LYPLAL1: variants seen among roughly 807,000 people sequenced by gnomAD.
The protein encoded by LYPLAL1 is lysophospholipase-like protein 1.
A neutral mutation model predicts 19.7 loss-of-function variants in LYPLAL1; 23 were observed. The ratio of observed to expected loss-of-function variants is 1.17; its 90% confidence interval spans 0.84 to 1.65. The LOEUF is 1.65. Ranked by LOEUF, LYPLAL1 falls within the 40% of genes most tolerant of loss-of-function variation. The pLI, the probability that LYPLAL1 is intolerant of heterozygous loss-of-function variation, is 0.00. For synonymous variants in LYPLAL1, 119 were observed against 96.3 expected, an observed-to-expected ratio of 1.24 and a Z score of -1.38; for missense variants, 355 against 279.4, an observed-to-expected ratio of 1.27 and a Z score of -1.93.
the LYPLAL1 span, among the ~76,000 whole-genome samples, chr1:219,245,848 A>T: frequency 6.6e-6 from 1 of 152,124 alleles, no homozygotes; most frequent in South Asian, 2.1e-4. Flanking sequence ...ATAAAATTCG[A>T]CCCATTTCAG....
At chr1:219,190,641 A>AAAT (rs1478661708) in intron 2 of LYPLAL1, among the ~76,000 whole-genome samples, 2 of 150,656 alleles carry the variant, frequency 1.3e-5, no homozygotes, top group Admixed American at 6.6e-5. Context: ...AAAAAAAAAA[A>AAAT]ACCCTTAAGT....
chr1:219,355,262 C>T, the LYPLAL1 span, among the ~76,000 whole-genome samples: 4 of 152,002 alleles, frequency 2.6e-5, no homozygotes, highest in East Asian at 1.9e-4. Flanking sequence ...GCACAGCCTA[C>T]GATAACCACC....
chr1:219,244,151 AT>A, the LYPLAL1 span, among the ~76,000 whole-genome samples: 16 of 152,174 alleles, frequency 1.1e-4, no homozygotes, highest in African/African-American at 3.9e-4. Flanking sequence ...TGGAAAACCA[AT>A]GCTCAAAGAC....
the LYPLAL1 span, among the ~76,000 whole-genome samples, chr1:219,300,810 C>T: frequency 6.6e-6 from 1 of 152,116 alleles, no homozygotes; most frequent in Non-Finnish European, 1.5e-5. Flanking sequence ...GCTGGGATTA[C>T]AGGAGTGAGC....
chr1:219,311,270 G>A, the LYPLAL1 span, among the ~76,000 whole-genome samples: 1 of 151,962 alleles, frequency 6.6e-6, no homozygotes. Flanking sequence ...TAAAAATTGT[G>A]AGATGCAGCA....
intron 3 of LYPLAL1, among the ~76,000 whole-genome samples, chr1:219,193,749 T>G (rs535283986): frequency 4.8e-4 from 73 of 151,980 alleles, no homozygotes; most frequent in Non-Finnish European, 9.4e-4. Context: ...ATATAAGCTC[T>G]TTATTCTGCT....
the LYPLAL1 span, among the ~76,000 whole-genome samples, chr1:219,407,767 T>G: frequency 6.6e-6 from 1 of 152,116 alleles, no homozygotes; most frequent in Non-Finnish European, 1.5e-5. Flanking sequence ...ACTGGGTAGC[T>G]TAAACAACAA....
intron 2 of LYPLAL1, among the ~76,000 whole-genome samples, chr1:219,190,779 G>GA (rs1216076936): frequency 2.0e-5 from 3 of 151,412 alleles, no homozygotes; most frequent in Non-Finnish European, 4.4e-5. Flanking sequence ...ATGACAATAG[G>GA]AAAAAATAAT....
chr1:219,363,871 A>C, the LYPLAL1 span, among the ~76,000 whole-genome samples: 1 of 152,142 alleles, frequency 6.6e-6, no homozygotes, highest in Non-Finnish European at 1.5e-5. Flanking sequence ...TTTAGTGGGG[A>C]AAATTCTGAC....
At chr1:219,304,914 A>G in the LYPLAL1 span, among the ~76,000 whole-genome samples, 1 of 152,262 alleles carries the variant, frequency 6.6e-6, no homozygotes, top group South Asian at 2.1e-4. Flanking sequence ...GGCTTGACAC[A>G]GTACTGCAGG....
the LYPLAL1 span, among the ~76,000 whole-genome samples, chr1:219,334,595 C>A: frequency 6.7e-6 from 1 of 149,840 alleles, no homozygotes; most frequent in Non-Finnish European, 1.5e-5. Flanking sequence ...TGTATAACAA[C>A]TTTTTACACC....
the LYPLAL1 span, among the ~76,000 whole-genome samples, chr1:219,440,016 C>CATATAT: frequency 3.0e-5 from 3 of 99,440 alleles, no homozygotes; most frequent in Middle Eastern, 4.2e-3. Context: ...TATATATACA[C>CATATAT]ACACACACAT....
At chr1:219,238,907 C>T in the LYPLAL1 span, among the ~76,000 whole-genome samples, 5 of 152,170 alleles carry the variant, frequency 3.3e-5, no homozygotes, top group East Asian at 1.9e-4. Flanking sequence ...TCACCTAAAA[C>T]GTAATCAGAG....
chr1:219,391,259 T>A, the LYPLAL1 span, among the ~76,000 whole-genome samples: 1 of 152,206 alleles, frequency 6.6e-6, no homozygotes, highest in African/African-American at 2.4e-5. Context: ...CGTTTTCCTG[T>A]TTGTCTCATT....
chr1:219,369,438 A>T, the LYPLAL1 span, among the ~76,000 whole-genome samples: 1 of 152,008 alleles, frequency 6.6e-6, no homozygotes, highest in Non-Finnish European at 1.5e-5. Context: ...TGACCTGCTA[A>T]TTTTTTTGTA....
the LYPLAL1 span, among the ~76,000 whole-genome samples, chr1:219,333,879 T>C: frequency 1.3e-5 from 2 of 152,024 alleles, no homozygotes; most frequent in Non-Finnish European, 2.9e-5. Context: ...AGCTGCCAAC[T>C]TGCCCTCTTT....
chr1:219,268,912 G>C, the LYPLAL1 span, among the ~76,000 whole-genome samples: 1 of 152,222 alleles, frequency 6.6e-6, no homozygotes. Context: ...ATGGGCCTTA[G>C]TAGCAATACA....
the LYPLAL1 span, among the ~76,000 whole-genome samples, chr1:219,220,888 C>T: frequency 6.6e-6 from 1 of 152,066 alleles, no homozygotes. Context: ...AGTAAACTTA[C>T]GAGACTGGAA....
At chr1:219,291,922 G>A in the LYPLAL1 span, among the ~76,000 whole-genome samples, 4 of 151,702 alleles carry the variant, frequency 2.6e-5, no homozygotes, top group Non-Finnish European at 4.4e-5. Flanking sequence ...GAAAAACTTA[G>A]CTTGCTTACT....
Sources: gnomAD v4.1 joint callset for allele counts (sites outside exome capture counted in the v4.1 genomes callset) on GRCh38, gnomAD v4.1.1 for gene constraint, MANE v1.5 for transcripts, NCBI Gene and HGNC (gene_info 2026-07-23, HGNC 2026-07-21) for gene names.